DUSP14: variants seen among roughly 807,000 people sequenced by gnomAD.
DUSP14 encodes the protein dual specificity protein phosphatase 14.
Under a neutral mutation model 13.2 loss-of-function variants are expected in DUSP14, and 5 were observed. The observed-to-expected ratio is 0.38, with a 90% CI of 0.20 to 0.80. DUSP14 has a LOEUF of 0.80. Among genes scored for constraint, DUSP14 ranks in the 30% least tolerant of loss-of-function variants. DUSP14 has a pLI of 0.44. For synonymous variants in DUSP14, 91 were observed against 103.4 expected (o/e 0.88, Z 0.73); for missense variants, 185 against 264.0 (o/e 0.70, Z 2.07).
intron 1 of DUSP14, among the ~76,000 whole-genome samples, chr17:37,506,660 T>A (rs139152877): frequency 6.6e-6 from 1 of 152,216 alleles, no homozygotes; most frequent in Admixed American, 6.5e-5. Context: ...ACCTGTGATA[T>A]AATACCCATG....
At chr17:37,499,495 AC>A (rs1019881072) in intron 1 of DUSP14, among the ~76,000 whole-genome samples, 8 of 151,918 alleles carry the variant, frequency 5.3e-5, no homozygotes, top group African/African-American at 1.9e-4. Context: ...GTGAGCCACC[AC>A]ACCCGACCCT....
chr17:37,511,776 AAAAT>A (rs1394038294), intron 2 of DUSP14, among the ~76,000 whole-genome samples: 7 of 150,300 alleles, frequency 4.7e-5, no homozygotes, highest in African/African-American at 1.2e-4. Context: ...TAAAAAATAA[AAAAT>A]AAAAAGTTTT....
Position 37,512,805 on chromosome 17 carries a change from A to G in DUSP14, c.533A>G (p.Tyr178Cys), listed in dbSNP as rs748754119. ...ACAGTTAAAATGGTACAGACACCTT[A>G]TGGCATAGTTCCCGACGTCTATGAG... ...KSTVKMVQTP[Y>C]GIVPDVYEKE... The change falls in exon 3 of 3, where the codon TAT (tyrosine) becomes TGT (cysteine). Residue 178 changes from tyrosine to cysteine, a missense_variant. Transcript: ENST00000617516. The surrounding 1 kb of genome is among the most constrained non-coding windows in gnomAD (Gnocchi z 4.8). 2 of 1,613,698 alleles carry G rather than the reference A, an allele frequency of 1.2e-6. No homozygotes were observed. The highest frequency in any genetic ancestry group is 1.7e-6 in the Non-Finnish European group (2 of 1,179,952).
chr17:37,512,564 C>A lies in DUSP14; in HGVS notation c.292C>A (p.His98Asn). 1 of 1,614,162 alleles carries A rather than the reference C, an allele frequency of 6.2e-7. No homozygotes were observed. Among genetic ancestry groups the A allele is most frequent in the Non-Finnish European group, 8.5e-7 (1 of 1,180,028 alleles). Reference protein sequence around the residue: ...LYFDTVADKIHSVSRKHGATL... With the variant: ...LYFDTVADKINSVSRKHGATL... ...CTTTGACACCGTGGCTGACAAGATC[C>A]ACAGTGTGAGCAGGAAGCACGGGGC... The change falls in exon 3 of 3, where the codon CAC becomes AAC. Residue 98 changes from histidine to asparagine, a missense_variant. Transcript: ENST00000617516. The surrounding 1 kb of genome is among the most constrained non-coding windows in gnomAD (Gnocchi z 4.8).
At chr17:37,490,195 G>C (rs1470746700) in intron 1 of DUSP14, among the ~76,000 whole-genome samples, 1 of 150,544 alleles carries the variant, frequency 6.6e-6, no homozygotes, top group Non-Finnish European at 1.5e-5. Flanking sequence ...CGCCGGCCCT[G>C]AGCGTGCGCC....
Position 37,513,136 on chromosome 17 carries a change from GT to G in DUSP14, c.*270del, listed in dbSNP as rs2054207374. On this transcript the variant is annotated 3_prime_UTR_variant, in exon 3 of 3. Transcript: ENST00000617516. ...TTAATCATTTTTACCAATTTGAACA[GT>G]TTAATAAACTGGTTCTGCTCTCTTC... 6.0e-6 allele frequency: 3 copies of G among 497,510 alleles called. No individual in the cohort carries two copies. In the Admixed American group the frequency reaches 1.1e-4, roughly 18 times the overall value. The allele number at this position is 497,510 out of a possible 1,614,324, so 30.8% of individuals were successfully genotyped here.
chr17:37,512,533 A>T lies in DUSP14; in HGVS notation c.261A>T (p.Gly87=), dbSNP rs2054196689. The change falls in exon 3 of 3, where the codon GGA becomes GGT. Residue 87 remains glycine, a synonymous_variant. Transcript: ENST00000617516. This position sits in a 1 kb window ranked among gnomAD's most constrained non-coding sequence, Gnocchi z 4.8. ...CTGACATGCCGCATGCCCCCATTGG[A>T]CTGTACTTTGACACCGTGGCTGACA... ...PLADMPHAPI[G]LYFDTVADKI... The T allele has an allele frequency of 1.2e-6, 2 of 1,614,120 alleles. No individual in the cohort carries two copies. The highest frequency in any genetic ancestry group is 1.7e-6 in the Non-Finnish European group (2 of 1,180,026).
At chr17:37,509,437 C>CA (rs1406589737) in intron 1 of DUSP14, among the ~76,000 whole-genome samples, 2 of 149,804 alleles carry the variant, frequency 1.3e-5, no homozygotes, top group Non-Finnish European at 3.0e-5. Flanking sequence ...TCTCCTGCCT[C>CA]AGCCACCCAA....
chr17:37,492,947 A>C (rs939314254), intron 1 of DUSP14, among the ~76,000 whole-genome samples: 21 of 152,134 alleles, frequency 1.4e-4, no homozygotes, highest in Non-Finnish European at 4.4e-5. Context: ...CCTCAGTGCA[A>C]ACTAAAAGTA....
intron 1 of DUSP14, among the ~76,000 whole-genome samples, chr17:37,506,246 C>G (rs2054137185): frequency 6.6e-6 from 1 of 151,890 alleles, no homozygotes; most frequent in South Asian, 2.1e-4. Flanking sequence ...GTCTGGGTGA[C>G]AGAGAGAGAC....
intron 1 of DUSP14, among the ~76,000 whole-genome samples, chr17:37,509,288 T>G (rs1645473135): frequency 1.5e-4 from 4 of 26,226 alleles, no homozygotes; most frequent in Admixed American, 4.0e-4. Context: ...TATATATATA[T>G]ATATATATAG....
At chr17:37,493,307 TC>T (rs1195508734) in intron 1 of DUSP14, among the ~76,000 whole-genome samples, 4 of 152,138 alleles carry the variant, frequency 2.6e-5, no homozygotes, top group African/African-American at 9.7e-5. Flanking sequence ...AAATTACCTT[TC>T]CACTGTTGAT....
At position 37,512,174 on chromosome 17, in the gene DUSP14, T is replaced by C. The variant is rs117551799; in HGVS notation, c.-92-7T>C. On this transcript the variant is annotated splice_polypyrimidine_tract_variant and splice_region_variant and intron_variant, in intron 2 of 2. Transcript: ENST00000617516. The surrounding 1 kb of genome is among the most constrained non-coding windows in gnomAD (Gnocchi z 4.8). ...TTAAAGTACTGACACATACCTGTAT[T>C]TTGCAGGAAGGAGACTCTAATTTTG... 3.5e-3 allele frequency: 3,338 copies of C among 946,640 alleles called. 56 individuals carry two copies. In the East Asian group the frequency reaches 0.05, roughly 14 times the overall value. 58.6% of individuals were successfully genotyped at this position (946,640 alleles called of 1,614,324 possible).
At chr17:37,510,260 C>G (rs1011745971) in intron 1 of DUSP14, 3 of 152,362 alleles carry the variant, frequency 2.0e-5, no homozygotes, top group South Asian at 4.1e-4. Flanking sequence ...CTGGCCTGTC[C>G]GTCCTCCCAC....
At chr17:37,510,905 T>C in intron 2 of DUSP14, 141 bp downstream of exon 2, 1 of 129,106 alleles carries the variant, frequency 7.7e-6, no homozygotes, top group East Asian at 2.0e-4. Flanking sequence ...AGCATTGTGA[T>C]TTTTTTTTTT....
intron 1 of DUSP14, among the ~76,000 whole-genome samples, chr17:37,492,551 GC>G (rs2054035766): frequency 6.6e-6 from 1 of 152,210 alleles, no homozygotes; most frequent in Non-Finnish European, 1.5e-5. Context: ...TGCTAAAGGT[GC>G]TGTGCCTGAA....
In DUSP14 at chr17:37,512,784, T is replaced by C. The variant is rs1453272004; in HGVS notation, c.512T>C (p.Val171Ala). Residue 171 changes from valine (V) to alanine (A), a missense_variant, in exon 3 of 3, where the codon GTT becomes GCT. Coordinates refer to ENST00000617516, the MANE Select transcript of DUSP14 (RefSeq NM_007026.4). This position sits in a 1 kb window ranked among gnomAD's most constrained non-coding sequence, Gnocchi z 4.8. ...CGCCAGCTCTTTGGGAAGTCGACAGTTAAAATGGTACAGACACCTTATGGC... is the reference window on the plus strand; with the variant it reads ...CGCCAGCTCTTTGGGAAGTCGACAGCTAAAATGGTACAGACACCTTATGGC... ...YERQLFGKST[V>A]KMVQTPYGIV... The C allele has an allele frequency of 1.9e-6, 3 of 1,613,688 alleles. No homozygotes were observed. The highest frequency in any genetic ancestry group is 2.5e-6 in the Non-Finnish European group (3 of 1,180,044).
rs530034536 is a variant in DUSP14, at chr17:37,507,484, G to A, written c.-180-3193G>A. Among the ~76,000 whole-genome samples the A allele has an allele frequency of 1.9e-4, 29 of 152,274 alleles. No homozygotes were observed. The South Asian group carries it at 2.1e-3, about 11-fold the overall frequency. On this transcript the variant is annotated intron_variant, in intron 1 of 2. Transcript: ENST00000617516. ...ACAGCGTAATTTGGGAGGATGCATC[G>A]CTCTGCCACCCAGGCTGGAGTGCAA...
At chr17:37,493,175 C>A (rs2054040643) in intron 1 of DUSP14, among the ~76,000 whole-genome samples, 1 of 152,120 alleles carries the variant, frequency 6.6e-6, no homozygotes, top group South Asian at 2.1e-4. Flanking sequence ...ATTGCCCAGG[C>A]TGGTCTTGAA....
Sources: allele counts gnomAD v4.1 joint callset (sites outside exome capture counted in the v4.1 genomes callset), GRCh38; gene constraint gnomAD v4.1.1; non-coding constraint Gnocchi (gnomAD v3.1); transcripts MANE v1.5; gene names NCBI Gene and HGNC (gene_info 2026-07-23, HGNC 2026-07-21).